Variants in SYNPR observed in about 807,000 individuals in gnomAD.
SYNPR encodes synaptoporin.
SYNPR carries 23 observed loss-of-function variants against 32.9 expected under a neutral mutation model. That is an observed-to-expected ratio of 0.70 (90% CI 0.50 to 0.99). SYNPR has a LOEUF of 0.99. Among genes scored for constraint, SYNPR ranks in the 50% least tolerant of loss-of-function variants. The pLI, the probability that SYNPR is intolerant of heterozygous loss-of-function variation, is 0.00. For synonymous variants in SYNPR, 146 were observed against 135.9 expected (o/e 1.07, Z -0.52); for missense variants, 318 against 349.3 (o/e 0.91, Z 0.71).
chr3:63,371,959 G>A (rs574655069), intron 2 of SYNPR, among the ~76,000 whole-genome samples: 1 of 152,176 alleles, frequency 6.6e-6, no homozygotes, highest in Non-Finnish European at 1.5e-5. Context: ...ATGCAGAGAG[G>A]AGCCCAGTCT....
At chr3:63,202,860 C>G in the SYNPR span, among the ~76,000 whole-genome samples, 1 of 151,684 alleles carries the variant, frequency 6.6e-6, no homozygotes, top group Admixed American at 6.6e-5. Context: ...GGAATGTTTT[C>G]CAAAACAGAC....
At chr3:63,498,922 C>G (rs977101670) in intron 3 of SYNPR, among the ~76,000 whole-genome samples, 1 of 146,696 alleles carries the variant, frequency 6.8e-6, no homozygotes, top group Non-Finnish European at 1.5e-5. Flanking sequence ...AAGACCAGCC[C>G]GGGCAACATA....
At chr3:63,615,092 G>A (rs2106912012) in intron 5 of SYNPR, 132 bp from the exon 6 acceptor site, 1 of 1,117,100 alleles carries the variant, frequency 9.0e-7, no homozygotes, top group Non-Finnish European at 1.3e-6. Flanking sequence ...GGTTCCAAAT[G>A]GAAAACTTGG....
chr3:63,588,930 A>G (rs1158458412), intron 4 of SYNPR, among the ~76,000 whole-genome samples: 6 of 152,088 alleles, frequency 3.9e-5, no homozygotes, highest in Non-Finnish European at 7.4e-5. Flanking sequence ...GCCATGTGAG[A>G]CACCCAAATT....
rs867043817 is a variant in SYNPR, at chr3:63,402,522, G to C, written c.85-78310G>C. 2.0e-5 allele frequency among the ~76,000 whole-genome samples: 3 copies of C among 152,156 alleles called. No homozygotes were observed. In the East Asian group the frequency reaches 5.8e-4, roughly 29 times the overall value. On this transcript the variant is annotated intron_variant, in intron 2 of 5. Transcript: ENST00000478300. The stretch of plus-strand genomic sequence containing the variant: ...AACACTGTCCTTTTGCTATTTCATC[G>C]GGATTGACCCCTCTGTATGACAAAA...
At chr3:63,325,218 C>A (rs559891510) in intron 2 of SYNPR, among the ~76,000 whole-genome samples, 2 of 151,996 alleles carry the variant, frequency 1.3e-5, no homozygotes. Flanking sequence ...AGAGACAGAA[C>A]GTTAATTAGA....
chr3:63,586,654 A>G (rs1046748191), intron 4 of SYNPR, among the ~76,000 whole-genome samples: 7 of 143,632 alleles, frequency 4.9e-5, no homozygotes, highest in African/African-American at 1.8e-4. Flanking sequence ...TGCAGATTCA[A>G]TGTGTGTGTG....
In SYNPR at chr3:63,492,139, T is replaced by C. The variant is rs772316879; in HGVS notation, c.209+11183T>C. On this transcript the variant is annotated intron_variant, in intron 3 of 5. Coordinates refer to ENST00000478300, the MANE Select transcript of SYNPR (RefSeq NM_001130003.2). ...GGAGTGAAATCCCCTAGATTTTCCC[T>C]TGCTCTAACCCTCCAGTCTCCCACC... 1.6e-4 allele frequency among the ~76,000 whole-genome samples: 24 copies of C among 152,250 alleles called. No individual in the cohort carries two copies. The South Asian group carries it at 2.9e-3, about 18-fold the overall frequency.
At chr3:63,269,793 T>G (rs2086518457) in intron 3 of SYNPR, among the ~76,000 whole-genome samples, 2 of 152,210 alleles carry the variant, frequency 1.3e-5, no homozygotes, top group South Asian at 4.1e-4. Context: ...ACCTAATATG[T>G]GCCAGACACT....
chr3:63,244,991 A>G (rs911350591), intron 1 of SYNPR, among the ~76,000 whole-genome samples: 2 of 152,136 alleles, frequency 1.3e-5, no homozygotes, highest in South Asian at 2.1e-4. Context: ...AAACTAGGAT[A>G]AGGAAAAGAC....
intron 2 of SYNPR, among the ~76,000 whole-genome samples, chr3:63,292,424 C>A (rs975409678): frequency 1.3e-5 from 2 of 152,102 alleles, no homozygotes; most frequent in Non-Finnish European, 2.9e-5. Flanking sequence ...TTATAGTCAT[C>A]CTGTAGTGCT....
chr3:63,419,885 T>C (rs545932210), intron 2 of SYNPR, among the ~76,000 whole-genome samples: 228 of 152,368 alleles, frequency 1.5e-3, no homozygotes, highest in African/African-American at 5.0e-3. Context: ...ATATTCATTT[T>C]CTTTGTTGAA....
At chr3:63,276,741 G>C (rs546400761), upstream of SYNPR, among the ~76,000 whole-genome samples, 1 of 151,130 alleles carries the variant, frequency 6.6e-6, no homozygotes, top group African/African-American at 2.4e-5. Flanking sequence ...GACTGCAGAT[G>C]GTGCAACCAG....
At chr3:63,229,043 C>T (rs2086149582) in intron 1 of SYNPR, among the ~76,000 whole-genome samples, 1 of 152,172 alleles carries the variant, frequency 6.6e-6, no homozygotes, top group Non-Finnish European at 1.5e-5. Context: ...GTTCAGAATA[C>T]TCAGTTTTTA....
At chr3:63,429,831 G>A (rs150654033) in intron 2 of SYNPR, among the ~76,000 whole-genome samples, 1 of 152,134 alleles carries the variant, frequency 6.6e-6, no homozygotes, top group Non-Finnish European at 1.5e-5. Context: ...GCTCTCTCTT[G>A]TTCCCATGGG....
chr3:63,547,784 T>C lies in SYNPR; in HGVS notation c.210-8759T>C, dbSNP rs547207082. Among the ~76,000 whole-genome samples, 44 of 152,316 alleles carry C rather than the reference T, an allele frequency of 2.9e-4. 3 individuals are homozygous for C. In the South Asian group the frequency reaches 8.9e-3, roughly 31 times the overall value. Reference sequence around the variant, plus strand: ...GTTAAGAGCAAGAGCTTTGGGGTCATACGGACTCCATTTCTCGGCCCTACT... The same window carrying C: ...GTTAAGAGCAAGAGCTTTGGGGTCACACGGACTCCATTTCTCGGCCCTACT... On this transcript the variant is annotated intron_variant, in intron 3 of 5. Transcript: ENST00000478300.
intron 2 of SYNPR, among the ~76,000 whole-genome samples, chr3:63,461,866 A>G (rs1415572553): frequency 1.3e-5 from 2 of 151,998 alleles, no homozygotes; most frequent in African/African-American, 4.8e-5. Context: ...GAGATTATGG[A>G]TGTAAAGCAG....
chr3:63,514,959 G>A (rs1168052926), intron 3 of SYNPR, among the ~76,000 whole-genome samples: 1 of 152,072 alleles, frequency 6.6e-6, no homozygotes, highest in Admixed American at 6.6e-5. Context: ...AATGTTGTCA[G>A]TAATCCTGAG....
chr3:63,346,007 GT>G (rs1481738955), intron 2 of SYNPR, among the ~76,000 whole-genome samples: 64 of 152,162 alleles, frequency 4.2e-4, no homozygotes, highest in Admixed American at 4.2e-3. Flanking sequence ...TGGAGTTGGG[GT>G]TTCACCATGT....
Sources: gnomAD v4.1 joint callset for allele counts (sites outside exome capture counted in the v4.1 genomes callset) on GRCh38, gnomAD v4.1.1 for gene constraint, MANE v1.5 for transcripts, NCBI Gene and HGNC (gene_info 2026-07-23, HGNC 2026-07-21) for gene names.